The following CACNA2D3 variants were observed in gnomAD, a reference collection of about 807,000 sequenced individuals.
CACNA2D3 encodes the protein voltage-dependent calcium channel subunit alpha-2/delta-3.
Under a neutral mutation model 160.6 loss-of-function variants are expected in CACNA2D3, and 60 were observed. The observed-to-expected ratio is 0.37, with a 90% CI of 0.30 to 0.46. The LOEUF is 0.46. Among genes scored for constraint, CACNA2D3 ranks in the 20% least tolerant of loss-of-function variants. CACNA2D3 has a pLI of 1.00. For missense variants in CACNA2D3, 1,205 were observed against 1,365.0 expected, an observed-to-expected ratio of 0.88 and a Z score of 1.85; for synonymous variants, 558 against 492.9, an observed-to-expected ratio of 1.13 and a Z score of -1.75.
At chr3:54,165,374 G>A (rs1282555399) in intron 2 of CACNA2D3, among the ~76,000 whole-genome samples, 2 of 151,984 alleles carry the variant, frequency 1.3e-5, no homozygotes, top group African/African-American at 2.4e-5. Flanking sequence ...CTGCTCTGGT[G>A]TCCTGTGTGG....
chr3:54,626,418 C>A (rs1391575897), intron 9 of CACNA2D3: 4 of 1,583,106 alleles, frequency 2.5e-6, no homozygotes, highest in Admixed American at 3.7e-5. Flanking sequence ...AGGCGCTGCC[C>A]ATGGAGAAGC....
chr3:54,870,199 C>G (rs992420881), intron 17 of CACNA2D3, among the ~76,000 whole-genome samples: 1 of 152,152 alleles, frequency 6.6e-6, no homozygotes, highest in Non-Finnish European at 1.5e-5. Flanking sequence ...TGGCCCTCCC[C>G]TCATCCCACT....
chr3:54,438,827 T>C (rs1029394436), intron 4 of CACNA2D3, among the ~76,000 whole-genome samples: 2 of 152,234 alleles, frequency 1.3e-5, no homozygotes, highest in Non-Finnish European at 2.9e-5. Context: ...CTAAGCTTTA[T>C]ATAACACCAA....
rs549309296 is a variant in CACNA2D3, at chr3:54,918,278, C to G, written c.2449+18410C>G. 5 of 635,224 alleles carry G rather than the reference C, an allele frequency of 7.9e-6. No individual in the cohort carries two copies. The African/African-American group carries it at 9.5e-5, about 12-fold the overall frequency. 39.3% of individuals were successfully genotyped at this position (635,224 alleles called of 1,614,324 possible). ...ATTTTACCTATAGTATTTTAAAAAT[C>G]GCAACATAAATTCCTCCCCAGAAAT... On this transcript the variant is annotated intron_variant, in intron 27 of 37. Coordinates refer to ENST00000474759, the MANE Select transcript of CACNA2D3 (RefSeq NM_018398.3).
chr3:54,428,185 A>C (rs1699936724), intron 4 of CACNA2D3, among the ~76,000 whole-genome samples: 2 of 152,186 alleles, frequency 1.3e-5, no homozygotes, highest in South Asian at 4.1e-4. Context: ...CAATCTGAGC[A>C]ACAATGTGGC....
chr3:54,740,819 A>G (rs1701634498), intron 11 of CACNA2D3, among the ~76,000 whole-genome samples: 1 of 152,206 alleles, frequency 6.6e-6, no homozygotes, highest in African/African-American at 2.4e-5. Context: ...ACTTGGGAAA[A>G]GGCAACTGTG....
chr3:54,923,455 C>T (rs1443587806), intron 27 of CACNA2D3, among the ~76,000 whole-genome samples: 1 of 152,168 alleles, frequency 6.6e-6, no homozygotes, highest in African/African-American at 2.4e-5. Context: ...GACATCTTCC[C>T]ATCCATCCTA....
intron 27 of CACNA2D3, among the ~76,000 whole-genome samples, chr3:54,958,240 T>C (rs1052823090): frequency 3.3e-5 from 5 of 152,184 alleles, no homozygotes; most frequent in Non-Finnish European, 5.9e-5. Flanking sequence ...GAATATTCCA[T>C]GTATCGGATG....
intron 11 of CACNA2D3, among the ~76,000 whole-genome samples, chr3:54,721,123 T>A (rs1367691277): frequency 6.6e-6 from 1 of 152,186 alleles, no homozygotes; most frequent in Non-Finnish European, 1.5e-5. Context: ...ATTCTCAATT[T>A]AATATTAGAG....
At chr3:54,512,178 G>A (rs1701469855) in intron 5 of CACNA2D3, among the ~76,000 whole-genome samples, 1 of 152,124 alleles carries the variant, frequency 6.6e-6, no homozygotes, top group Non-Finnish European at 1.5e-5. Flanking sequence ...AGGAATGCTA[G>A]CCAGGTGCCC....
intron 11 of CACNA2D3, among the ~76,000 whole-genome samples, chr3:54,659,305 G>T (rs1559541713): frequency 6.6e-6 from 1 of 152,152 alleles, no homozygotes; most frequent in Non-Finnish European, 1.5e-5. Flanking sequence ...GGGAGCCTTT[G>T]GCAGGAGGGT....
Position 54,274,269 on chromosome 3 carries a change from A to G in CACNA2D3, c.205-46173A>G, listed in dbSNP as rs149548298. 2.6e-3 allele frequency among the ~76,000 whole-genome samples: 390 copies of G among 152,136 alleles called. 1 individual carries two copies. The highest frequency in any genetic ancestry group is 6.8e-3 in the Middle Eastern group (2 of 292). On this transcript the variant is annotated intron_variant, in intron 2 of 37. Coordinates refer to ENST00000474759, the MANE Select transcript of CACNA2D3 (RefSeq NM_018398.3). ...TGTATAAAGTAGAAAGCAAAACCCC[A>G]TAACTTTATCACCTGGCTGTAATCA...
chr3:54,809,948 A>T (rs969126362), intron 13 of CACNA2D3, among the ~76,000 whole-genome samples: 5 of 152,224 alleles, frequency 3.3e-5, no homozygotes, highest in Non-Finnish European at 7.3e-5. Context: ...AAAGAGGAAG[A>T]TTACACAGTG....
At chr3:54,905,991 C>T (rs1700441142) in intron 27 of CACNA2D3, among the ~76,000 whole-genome samples, 1 of 152,134 alleles carries the variant, frequency 6.6e-6, no homozygotes, top group African/African-American at 2.4e-5. Flanking sequence ...CCCCAGAAGG[C>T]ACTGTGGAGG....
intron 35 of CACNA2D3, among the ~76,000 whole-genome samples, chr3:55,030,510 C>T (rs1329869807): frequency 2.0e-5 from 3 of 152,084 alleles, no homozygotes. Flanking sequence ...ATCATCTTGG[C>T]TTTAAATTTT....
chr3:54,965,934 A>G (rs1010471644), intron 27 of CACNA2D3, among the ~76,000 whole-genome samples: 5 of 152,158 alleles, frequency 3.3e-5, no homozygotes, highest in African/African-American at 1.2e-4. Flanking sequence ...GAGGGAGATC[A>G]GAGAGAAGCA....
rs1396662749 is a variant in CACNA2D3, at chr3:54,230,819, TGC to T, written c.205-89622_205-89621del. On this transcript the variant is annotated intron_variant, in intron 2 of 37. Coordinates refer to ENST00000474759, the MANE Select transcript of CACNA2D3 (RefSeq NM_018398.3). The stretch of plus-strand genomic sequence containing the variant: ...TCTTTACAAATGGAGGAATTACAAA[TGC>T]TAATTTGTTAAATTGAGCTGTAAAC... Among the ~76,000 whole-genome samples the T allele has an allele frequency of 8.0e-3, 1,215 of 152,362 alleles. 20 individuals carry two copies. Among genetic ancestry groups the T allele is most frequent in the African/African-American group, 0.028 (1,147 of 41,578 alleles).
intron 11 of CACNA2D3, among the ~76,000 whole-genome samples, chr3:54,687,451 A>C (rs1161983638): frequency 1.3e-5 from 2 of 151,876 alleles, no homozygotes; most frequent in African/African-American, 4.8e-5. Context: ...TGCCCGGGCA[A>C]ATTTTTACTT....
intron 11 of CACNA2D3, among the ~76,000 whole-genome samples, chr3:54,728,866 A>T (rs1047133210): frequency 2.0e-5 from 3 of 152,196 alleles, no homozygotes; most frequent in Non-Finnish European, 2.9e-5. Flanking sequence ...CCATTTTATG[A>T]TGGTCAGGTT....
Sources: gnomAD v4.1 joint callset for allele counts (sites outside exome capture counted in the v4.1 genomes callset) on GRCh38, gnomAD v4.1.1 for gene constraint, MANE v1.5 for transcripts, NCBI Gene and HGNC (gene_info 2026-07-23, HGNC 2026-07-21) for gene names.